KCNIP4: variants seen among roughly 807,000 people sequenced by gnomAD.
KCNIP4 encodes the protein Kv channel-interacting protein 4.
Under a neutral mutation model 34.0 loss-of-function variants are expected in KCNIP4, and 12 were observed. The ratio of observed to expected loss-of-function variants is 0.35; its 90% confidence interval spans 0.23 to 0.57. The LOEUF (loss-of-function observed/expected upper bound fraction) is 0.57, where lower values mean the gene tolerates loss of function less well. Ranked by LOEUF, KCNIP4 falls within the 20% of genes least tolerant of loss-of-function variation. The pLI is 0.83. For missense variants in KCNIP4, 238 were observed against 311.7 expected, an observed-to-expected ratio of 0.76 and a Z score of 1.78; for synonymous variants, 124 against 102.2, an observed-to-expected ratio of 1.21 and a Z score of -1.29.
At chr4:21,145,911 A>C (rs1458776109) in intron 1 of KCNIP4, among the ~76,000 whole-genome samples, 1 of 152,166 alleles carries the variant, frequency 6.6e-6, no homozygotes, top group Non-Finnish European at 1.5e-5. Context: ...CTACACTGCA[A>C]ATTTGCCTGC....
intron 1 of KCNIP4, among the ~76,000 whole-genome samples, chr4:21,015,741 TATA>T (rs1447661166): frequency 5.9e-5 from 8 of 135,566 alleles, no homozygotes; most frequent in Non-Finnish European, 1.1e-4. Context: ...ATATATATTA[TATA>T]ATATGATATA....
intron 3 of KCNIP4, among the ~76,000 whole-genome samples, chr4:20,837,714 G>A (rs868780382): frequency 2.7e-4 from 37 of 137,512 alleles, no homozygotes; most frequent in East Asian, 1.3e-3. Flanking sequence ...ATGGAGTCTC[G>A]CTCTGTCACC....
chr4:21,428,189 A>G (rs1052601421), intron 1 of KCNIP4, among the ~76,000 whole-genome samples: 1 of 152,170 alleles, frequency 6.6e-6, no homozygotes, highest in African/African-American at 2.4e-5. Flanking sequence ...TGATTATTAC[A>G]GGCATAGTGC....
intron 1 of KCNIP4, among the ~76,000 whole-genome samples, chr4:21,549,059 C>G (rs73252249): frequency 0.029 from 4,384 of 151,738 alleles, 65 homozygotes; most frequent in East Asian, 0.049. Context: ...AAATGGAGAC[C>G]AGGCCAAATG....
At chr4:21,388,675 C>G (rs1388141034) in intron 1 of KCNIP4, among the ~76,000 whole-genome samples, 1 of 152,052 alleles carries the variant, frequency 6.6e-6, no homozygotes, top group African/African-American at 2.4e-5. Context: ...TCCACTTTTC[C>G]CCAACACTCC....
intron 1 of KCNIP4, among the ~76,000 whole-genome samples, chr4:21,112,313 CTTGATG>C (rs1376581839): frequency 1.3e-5 from 2 of 152,144 alleles, no homozygotes; most frequent in Non-Finnish European, 2.9e-5. Context: ...ACTTTTGGGT[CTTGATG>C]TTGATAATAC....
At chr4:21,199,345 G>A (rs574468099) in intron 1 of KCNIP4, among the ~76,000 whole-genome samples, 2 of 152,256 alleles carry the variant, frequency 1.3e-5, no homozygotes, top group South Asian at 2.1e-4. Context: ...ATTTTTTCAT[G>A]TGTCTGTTGG....
intron 1 of KCNIP4, among the ~76,000 whole-genome samples, chr4:21,250,124 T>C (rs199913883): frequency 8.4e-6 from 1 of 119,548 alleles, no homozygotes. Flanking sequence ...TTCTTTCTTT[T>C]TTTTTTTCCC....
chr4:21,368,231 A>T (rs1719983763), intron 1 of KCNIP4, among the ~76,000 whole-genome samples: 1 of 104,978 alleles, frequency 9.5e-6, no homozygotes, highest in Non-Finnish European at 2.0e-5. Flanking sequence ...GAATTTAAGA[A>T]GCTGTTACAC....
chr4:21,134,508 C>T (rs1047784457), intron 1 of KCNIP4, among the ~76,000 whole-genome samples: 4 of 152,074 alleles, frequency 2.6e-5, no homozygotes, highest in East Asian at 1.9e-4. Context: ...CAACTGCAAA[C>T]GGGGGTCAGC....
At chr4:20,805,001 T>C (rs1352629673) in intron 3 of KCNIP4, among the ~76,000 whole-genome samples, 1 of 152,040 alleles carries the variant, frequency 6.6e-6, no homozygotes, top group African/African-American at 2.4e-5. Flanking sequence ...TTCCAAAATT[T>C]CCCAAGAAGG....
At chr4:20,883,580 C>T (rs1385208107) in intron 1 of KCNIP4, among the ~76,000 whole-genome samples, 1 of 152,052 alleles carries the variant, frequency 6.6e-6, no homozygotes, top group Non-Finnish European at 1.5e-5. Flanking sequence ...GGTAACTAGC[C>T]TCCCCGAGAT....
chr4:20,736,859 G>A (rs1158548620), intron 5 of KCNIP4, among the ~76,000 whole-genome samples: 1 of 152,028 alleles, frequency 6.6e-6, no homozygotes, highest in Non-Finnish European at 1.5e-5. Flanking sequence ...TCAATTTTAA[G>A]AAAGAAAAAC....
At chr4:21,096,526 A>C (rs1209874484) in intron 1 of KCNIP4, among the ~76,000 whole-genome samples, 1 of 152,110 alleles carries the variant, frequency 6.6e-6, no homozygotes, top group Non-Finnish European at 1.5e-5. Flanking sequence ...GTCTTCATCA[A>C]ATATCTCCTC....
intron 2 of KCNIP4, among the ~76,000 whole-genome samples, chr4:20,856,238 G>A (rs1334387928): frequency 1.3e-5 from 2 of 152,300 alleles, no homozygotes; most frequent in African/African-American, 2.4e-5. Context: ...CGAATAGAAA[G>A]CCTGTGCTTT....
At chr4:21,359,010 T>A (rs1357673540) in intron 1 of KCNIP4, among the ~76,000 whole-genome samples, 1 of 152,032 alleles carries the variant, frequency 6.6e-6, no homozygotes, top group African/African-American at 2.4e-5. Flanking sequence ...CTTGGGCACA[T>A]GTCATTAGGA....
chr4:20,745,483 T>G (rs1402601636), intron 5 of KCNIP4, among the ~76,000 whole-genome samples: 1 of 152,202 alleles, frequency 6.6e-6, no homozygotes, highest in Non-Finnish European at 1.5e-5. Context: ...GCTCCGTGCT[T>G]TTCTGAGTTG....
At chr4:21,715,381 T>C (rs569528078) in intron 1 of KCNIP4, among the ~76,000 whole-genome samples, 3 of 152,178 alleles carry the variant, frequency 2.0e-5, no homozygotes, top group Non-Finnish European at 4.4e-5. Context: ...CCGCCCACCT[T>C]GGCCTCCCAA....
intron 1 of KCNIP4, among the ~76,000 whole-genome samples, chr4:21,827,739 C>G (rs369954460): frequency 2.2e-4 from 34 of 152,090 alleles, no homozygotes; most frequent in East Asian, 9.7e-4. Flanking sequence ...AAAATAAATA[C>G]ACTTTCCTAA....
Sources: allele counts gnomAD v4.1 joint callset (sites outside exome capture counted in the v4.1 genomes callset), GRCh38; gene constraint gnomAD v4.1.1; transcripts MANE v1.5; gene names NCBI Gene and HGNC (gene_info 2026-07-23, HGNC 2026-07-21).